SMCO2: variants seen among roughly 807,000 people sequenced by gnomAD.
SMCO2 encodes the protein single-pass membrane and coiled-coil domain-containing protein 2.
SMCO2 carries 25 observed loss-of-function variants against 29.5 expected under a neutral mutation model. That is an observed-to-expected ratio of 0.85 (90% confidence interval 0.62 to 1.18). SMCO2 has a LOEUF of 1.18. Ranked by LOEUF, SMCO2 falls within the 50% of genes most tolerant of loss-of-function variation. The probability of loss-of-function intolerance (pLI) is 0.00; values close to 1 mark genes in which losing one functional copy is unlikely to be tolerated. For missense variants in SMCO2, 348 were observed against 344.5 expected (o/e 1.01, Z -0.08); for synonymous variants, 117 against 123.3 (o/e 0.95, Z 0.34).
chr12:27,457,028 A>AT, the SMCO2 span, among the ~76,000 whole-genome samples: 1 of 152,194 alleles, frequency 6.6e-6, no homozygotes, highest in Non-Finnish European at 1.5e-5. Context: ...GAACAGTTTC[A>AT]TCCCAAAACC....
In SMCO2 at chr12:27,490,852, C is replaced by A. The variant is rs188201563; in HGVS notation, c.450+2305C>A. Among the ~76,000 whole-genome samples, 89 of 152,244 alleles carry A rather than the reference C, an allele frequency of 5.8e-4. 2 individuals carry two copies. The East Asian group carries it at 0.014, about 24-fold the overall frequency. ...GAGGCTGAGGTGGGAGGATCACCTTCTGGACTCAGGAGGTCAAGGCTGCAG... is the reference window on the plus strand; with the variant it reads ...GAGGCTGAGGTGGGAGGATCACCTTATGGACTCAGGAGGTCAAGGCTGCAG... On this transcript the variant is annotated intron_variant, in intron 5 of 7. Coordinates refer to ENST00000298876, the Ensembl canonical transcript of SMCO2.
At chr12:27,470,539 G>C (rs1458899053) in intron 1 of SMCO2, 83 bp from the exon 2 acceptor site, 3 of 1,442,094 alleles carry the variant, frequency 2.1e-6, no homozygotes, top group Non-Finnish European at 2.8e-6. Flanking sequence ...CCCTGAGGAA[G>C]AAGTTAGTCT....
the SMCO2 span, among the ~76,000 whole-genome samples, chr12:27,451,535 C>T: frequency 1.3e-5 from 2 of 152,200 alleles, no homozygotes; most frequent in Admixed American, 1.3e-4. Context: ...ATCCAGTTCA[C>T]AGCCAACAAC....
chr12:27,466,380 C>A (rs1382357115), upstream of SMCO2, among the ~76,000 whole-genome samples: 1 of 152,090 alleles, frequency 6.6e-6, no homozygotes, highest in African/African-American at 2.4e-5. Flanking sequence ...CCTCTGCACC[C>A]CAGCCTGGGC....
chr12:27,437,487 C>T, the SMCO2 span, among the ~76,000 whole-genome samples: 2 of 151,904 alleles, frequency 1.3e-5, no homozygotes, highest in Non-Finnish European at 2.9e-5. Flanking sequence ...TGATTTTGCC[C>T]ACACCTACTT....
chr12:27,476,913 G>T (rs1028450480), intron 4 of SMCO2, among the ~76,000 whole-genome samples: 1 of 151,792 alleles, frequency 6.6e-6, no homozygotes, highest in Non-Finnish European at 1.5e-5. Flanking sequence ...TGGTTGTTTT[G>T]TATATCCTTA....
intron 5 of SMCO2, 118 bp downstream of exon 6, chr12:27,488,665 C>G (rs1949709665): frequency 1.6e-6 from 1 of 640,574 alleles, no homozygotes; most frequent in Admixed American, 3.8e-5. Context: ...CAGGAGTGCT[C>G]TCTGGTGGTC....
chr12:27,445,908 T>G, the SMCO2 span, among the ~76,000 whole-genome samples: 1 of 151,878 alleles, frequency 6.6e-6, no homozygotes, highest in Admixed American at 6.6e-5. Context: ...TTTCTCTCTC[T>G]CTCTTTTTTT....
chr12:27,474,643 C>T, intron 3 of SMCO2, 143 bp from the exon 4 acceptor site: 1 of 906,350 alleles, frequency 1.1e-6, no homozygotes, highest in East Asian at 2.7e-5. Context: ...GTCTGCTTAG[C>T]TTACAGATGC....
chr12:27,478,182 C>T (rs189350535), intron 4 of SMCO2, among the ~76,000 whole-genome samples: 34 of 152,256 alleles, frequency 2.2e-4, no homozygotes, highest in African/African-American at 7.0e-4. Context: ...TTGTAATCAG[C>T]GTCAGTGGTA....
At chr12:27,439,161 T>C in the SMCO2 span, among the ~76,000 whole-genome samples, 2 of 152,170 alleles carry the variant, frequency 1.3e-5, no homozygotes, top group Non-Finnish European at 2.9e-5. Flanking sequence ...GAGGCAGGGC[T>C]ACCATCTTCA....
the SMCO2 span, among the ~76,000 whole-genome samples, chr12:27,434,392 T>G: frequency 0.69 from 105,372 of 151,998 alleles, 37,053 homozygotes; most frequent in Middle Eastern, 0.88. Context: ...TATCTAGACT[T>G]GTTGAGGCTT....
chr12:27,426,983 TC>T, the SMCO2 span, among the ~76,000 whole-genome samples: 1 of 152,228 alleles, frequency 6.6e-6, no homozygotes, highest in African/African-American at 2.4e-5. Flanking sequence ...CACTTATTTA[TC>T]CTGTGCTATG....
the SMCO2 span, among the ~76,000 whole-genome samples, chr12:27,452,200 T>C: frequency 9.4e-4 from 143 of 152,330 alleles, no homozygotes; most frequent in Admixed American, 2.0e-3. Context: ...AAATTAAGTT[T>C]GTATAAATTT....
intron 1 of SMCO2, among the ~76,000 whole-genome samples, chr12:27,469,218 T>G (rs1391360125): frequency 6.6e-6 from 1 of 152,220 alleles, no homozygotes; most frequent in Admixed American, 6.5e-5. Context: ...ACTGTCCAGA[T>G]AGGGGCTGTG....
chr12:27,444,758 C>T, the SMCO2 span, among the ~76,000 whole-genome samples: 1 of 152,098 alleles, frequency 6.6e-6, no homozygotes, highest in Admixed American at 6.5e-5. Flanking sequence ...TTAGTACCAC[C>T]ACTATGAAGA....
At chr12:27,480,132 A>G (rs989092798) in intron 4 of SMCO2, among the ~76,000 whole-genome samples, 3 of 152,236 alleles carry the variant, frequency 2.0e-5, no homozygotes, top group African/African-American at 7.2e-5. Context: ...TCCAAGGGCA[A>G]AAGGAGAGGA....
intron 4 of SMCO2, among the ~76,000 whole-genome samples, chr12:27,485,713 C>T (rs1358796441): frequency 6.6e-6 from 1 of 152,176 alleles, no homozygotes; most frequent in Non-Finnish European, 1.5e-5. Context: ...TCCCAAAGTG[C>T]TGGGATTACA....
chr12:27,431,540 C>T, the SMCO2 span, among the ~76,000 whole-genome samples: 2 of 152,208 alleles, frequency 1.3e-5, no homozygotes, highest in South Asian at 2.1e-4. Flanking sequence ...CTCTTAGCAT[C>T]ATAGCCTCAA....
Sources: gnomAD v4.1 joint callset for allele counts (sites outside exome capture counted in the v4.1 genomes callset) on GRCh38, gnomAD v4.1.1 for gene constraint, MANE v1.5 for transcripts, NCBI Gene and HGNC (gene_info 2026-07-23, HGNC 2026-07-21) for gene names.